Variants in RANBP2 observed in about 807,000 individuals in gnomAD.
RANBP2 encodes the protein RAN binding protein 2, also known as E3 SUMO-protein ligase RanBP2.
Under a neutral mutation model 303.6 loss-of-function variants are expected in RANBP2, and 57 were observed. That is an observed-to-expected ratio of 0.19 (90% CI 0.15 to 0.23). RANBP2 has a LOEUF of 0.23. Among genes scored for constraint, RANBP2 ranks in the 10% least tolerant of loss-of-function variants. RANBP2 has a pLI of 1.00. For synonymous variants in RANBP2, 1,167 were observed against 1,301.5 expected, an observed-to-expected ratio of 0.90 and a Z score of 2.23; for missense variants, 3,138 against 3,780.8, an observed-to-expected ratio of 0.83 and a Z score of 4.46.
the RANBP2 span, among the ~76,000 whole-genome samples, chr2:109,530,033 T>C: frequency 2.0e-5 from 3 of 152,250 alleles, no homozygotes; most frequent in African/African-American, 7.2e-5. Flanking sequence ...CAGATGTTTC[T>C]GCTCTGGGTC....
the RANBP2 span, among the ~76,000 whole-genome samples, chr2:109,073,656 G>A: frequency 9.3e-4 from 139 of 149,552 alleles, 6 homozygotes; most frequent in Non-Finnish European, 1.6e-3. Context: ...GCAACAGAGC[G>A]AGACTCTGTC....
At chr2:109,617,614 C>G in the RANBP2 span, 1 of 167,046 alleles carries the variant, frequency 6.0e-6, no homozygotes, top group Middle Eastern at 3.4e-3. Flanking sequence ...TCACAGCCTG[C>G]GGGGTGAATG....
downstream of RANBP2, chr2:108,786,728 G>A: frequency 8.5e-7 from 1 of 1,174,482 alleles, no homozygotes; most frequent in Non-Finnish European, 1.2e-6. Flanking sequence ...CCTCGGGGGG[G>A]CGGGGTCTGG....
At chr2:109,326,382 A>C in the RANBP2 span, among the ~76,000 whole-genome samples, 3 of 152,062 alleles carry the variant, frequency 2.0e-5, no homozygotes, top group African/African-American at 7.3e-5. Context: ...GTTCATGTAG[A>C]AGTACATCCT....
intron 24 of RANBP2, among the ~76,000 whole-genome samples, chr2:108,776,284 A>G (rs1677885839): frequency 6.6e-6 from 1 of 152,160 alleles, no homozygotes; most frequent in Non-Finnish European, 1.5e-5. Flanking sequence ...AAGCATATTC[A>G]AAGTGTTTTA....
the RANBP2 span, among the ~76,000 whole-genome samples, chr2:109,269,367 G>A: frequency 6.6e-6 from 1 of 152,172 alleles, no homozygotes; most frequent in African/African-American, 2.4e-5. Flanking sequence ...CCCACACACC[G>A]TGTAATTTCC....
the RANBP2 span, among the ~76,000 whole-genome samples, chr2:109,680,362 C>A: frequency 2.7e-5 from 4 of 149,088 alleles, no homozygotes. Flanking sequence ...CAGAGCGAGA[C>A]TCTGTCTCAA....
the RANBP2 span, chr2:108,791,922 C>T: frequency 3.0e-6 from 3 of 992,522 alleles, no homozygotes; most frequent in Admixed American, 9.9e-5. Context: ...GTGTTCTGAA[C>T]TTCTGTAAGC....
chr2:108,977,128 C>G, the RANBP2 span, among the ~76,000 whole-genome samples: 2 of 152,156 alleles, frequency 1.3e-5, no homozygotes, highest in Non-Finnish European at 2.9e-5. Flanking sequence ...GTGGCCCCCA[C>G]TGGCCCGGGC....
chr2:109,442,737 G>C, the RANBP2 span, among the ~76,000 whole-genome samples: 1 of 152,040 alleles, frequency 6.6e-6, no homozygotes, highest in Non-Finnish European at 1.5e-5. Flanking sequence ...TAAGCTAAAA[G>C]GGAATAAAAA....
the RANBP2 span, among the ~76,000 whole-genome samples, chr2:109,078,228 G>GTA: frequency 3.1e-3 from 122 of 39,258 alleles, 5 homozygotes; most frequent in African/African-American, 0.011. Context: ...TATATAGCGT[G>GTA]TATATATATA....
chr2:109,716,076 A>G, the RANBP2 span, among the ~76,000 whole-genome samples: 1 of 152,112 alleles, frequency 6.6e-6, no homozygotes, highest in Non-Finnish European at 1.5e-5. Flanking sequence ...GAGGTCTTCA[A>G]TATTTAAAGG....
the RANBP2 span, chr2:109,732,839 T>A: frequency 7.7e-7 from 1 of 1,301,058 alleles, no homozygotes; most frequent in Non-Finnish European, 1.1e-6. Flanking sequence ...CCCTCCTGGC[T>A]TTGCTTTTGT....
chr2:109,421,627 C>T, the RANBP2 span, among the ~76,000 whole-genome samples: 7 of 152,350 alleles, frequency 4.6e-5, no homozygotes, highest in East Asian at 1.2e-3. Context: ...GCTGTGACCT[C>T]TAGCTCTCCA....
chr2:109,629,766 A>G, the RANBP2 span, among the ~76,000 whole-genome samples: 3 of 151,958 alleles, frequency 2.0e-5, no homozygotes, highest in African/African-American at 7.3e-5. Flanking sequence ...AGCCGTGATC[A>G]CACCACTGCA....
the RANBP2 span, among the ~76,000 whole-genome samples, chr2:108,949,986 T>C: frequency 1.3e-5 from 2 of 152,308 alleles, no homozygotes; most frequent in Admixed American, 6.5e-5. Flanking sequence ...ACTGTGGAGA[T>C]TGGGTGCAGC....
At chr2:109,610,398 A>C in the RANBP2 span, among the ~76,000 whole-genome samples, 6 of 151,836 alleles carry the variant, frequency 4.0e-5, no homozygotes, top group Non-Finnish European at 5.9e-5. Flanking sequence ...ACTTCCCTGA[A>C]TTTTAATATC....
At chr2:108,857,066 CTTTTTTTTTTTT>C in the RANBP2 span, 19 of 44,064 alleles carry the variant, frequency 4.3e-4, no homozygotes, top group African/African-American at 6.2e-4. Flanking sequence ...GATACTATTG[CTTTTTTTTTTTT>C]TTTTTTTTTT....
intron 25 of RANBP2, among the ~76,000 whole-genome samples, chr2:108,778,844 T>C (rs1179517128): frequency 6.6e-6 from 1 of 151,516 alleles, no homozygotes; most frequent in Non-Finnish European, 1.5e-5. Flanking sequence ...TCCTTCCACC[T>C]CAGCTTCCCA....
Sources: allele counts gnomAD v4.1 joint callset (sites outside exome capture counted in the v4.1 genomes callset), GRCh38; gene constraint gnomAD v4.1.1; transcripts MANE v1.5; gene names NCBI Gene and HGNC (gene_info 2026-07-23, HGNC 2026-07-21).